Variants in CDH2 observed in about 807,000 individuals in gnomAD.
The protein encoded by CDH2 is cadherin 2.
CDH2 carries 17 observed loss-of-function variants against 92.0 expected under a neutral mutation model. The ratio of observed to expected loss-of-function variants is 0.18; its 90% CI spans 0.13 to 0.28. The LOEUF (loss-of-function observed/expected upper bound fraction) is 0.28, where lower values mean the gene tolerates loss of function less well. CDH2 is among the 10% of genes least tolerant of loss of function. The probability of loss-of-function intolerance (pLI) is 1.00; values close to 1 mark genes in which losing one functional copy is unlikely to be tolerated. For synonymous variants in CDH2, 419 were observed against 415.9 expected (o/e 1.01, Z -0.09); for missense variants, 862 against 1,133.1 (o/e 0.76, Z 3.44).
At chr18:28,131,683 G>GGTGT (rs33990872) in intron 2 of CDH2, among the ~76,000 whole-genome samples, 36,423 of 150,052 alleles carry the variant, frequency 0.24, 4,495 homozygotes, top group Middle Eastern at 0.36. Flanking sequence ...AAGCATTTGT[G>GGTGT]GTGTGTGTGT....
chr18:28,100,199 C>T lies in CDH2; in HGVS notation c.172+47474G>A, dbSNP rs183428120. On this transcript the variant is annotated intron_variant, in intron 2 of 15. Transcript: ENST00000269141. ...TGAGTGTGTTTTGGGATGAAATTAACAGTTAAATCAGTAGACTGAATAAAA... is the reference window on the plus strand; with the variant it reads ...TGAGTGTGTTTTGGGATGAAATTAATAGTTAAATCAGTAGACTGAATAAAA... 1.7e-4 allele frequency among the ~76,000 whole-genome samples: 25 copies of T among 149,396 alleles called. 1 individual carries two copies. The highest frequency in any genetic ancestry group is 5.9e-4 in the African/African-American group (23 of 38,808).
chr18:28,104,091 C>T (rs2015281735), intron 2 of CDH2, among the ~76,000 whole-genome samples: 1 of 152,104 alleles, frequency 6.6e-6, no homozygotes, highest in African/African-American at 2.4e-5. Flanking sequence ...TCCTGTCTGC[C>T]TATCCAAGAA....
At chr18:27,938,958 C>T (rs569875233) in intron 6 of CDH2, among the ~76,000 whole-genome samples, 35 of 152,296 alleles carry the variant, frequency 2.3e-4, no homozygotes, top group African/African-American at 4.6e-4. Context: ...AGAAAGAATG[C>T]TATCACATTT....
At chr18:28,011,548 G>A (rs998533996) in intron 4 of CDH2, among the ~76,000 whole-genome samples, 7 of 152,172 alleles carry the variant, frequency 4.6e-5, no homozygotes, top group African/African-American at 1.7e-4. Context: ...TATGAGAGTG[G>A]AAATGGTATG....
chr18:27,984,836 T>C (rs545813896), intron 13 of CDH2, among the ~76,000 whole-genome samples, 164 bp downstream of exon 13: 43 of 152,314 alleles, frequency 2.8e-4, no homozygotes, highest in African/African-American at 9.9e-4. Flanking sequence ...CTGGGGTTTT[T>C]TCATTCTAAA....
chr18:27,940,264 C>G (rs913830378), intron 6 of CDH2, among the ~76,000 whole-genome samples: 2 of 152,142 alleles, frequency 1.3e-5, no homozygotes, highest in Middle Eastern at 3.2e-3. Flanking sequence ...AGATGAGACC[C>G]CAACAATACT....
intron 14 of CDH2, among the ~76,000 whole-genome samples, chr18:27,974,422 A>G (rs1415277303): frequency 1.3e-5 from 2 of 152,198 alleles, no homozygotes; most frequent in Non-Finnish European, 2.9e-5. Flanking sequence ...AGGATTAGGA[A>G]ACAAGAATTT....
intron 2 of CDH2, among the ~76,000 whole-genome samples, chr18:28,038,635 T>C (rs1199315567): frequency 5.3e-5 from 8 of 152,076 alleles, no homozygotes; most frequent in Admixed American, 2.0e-4. Flanking sequence ...TAGAAAGTCA[T>C]AGATTATCTT....
intron 2 of CDH2, among the ~76,000 whole-genome samples, chr18:28,060,298 T>A (rs563253358): frequency 6.6e-6 from 1 of 152,302 alleles, no homozygotes; most frequent in South Asian, 2.1e-4. Context: ...GCAATTCTCC[T>A]GCCTCAGCTT....
chr18:28,003,263 TCAC>T, intron 6 of CDH2, 94 bp from the exon 7 acceptor site: 2 of 922,636 alleles, frequency 2.2e-6, no homozygotes, highest in South Asian at 4.0e-5. Context: ...TGTCTTATTT[TCAC>T]TTTTTAAAAA....
chr18:28,122,944 T>C (rs2015616313), intron 2 of CDH2, among the ~76,000 whole-genome samples: 2 of 152,096 alleles, frequency 1.3e-5, no homozygotes, highest in African/African-American at 4.8e-5. Flanking sequence ...ATGTTTCTAG[T>C]AAAAAACAAT....
chr18:28,038,421 A>AAG (rs1491162777), intron 2 of CDH2, among the ~76,000 whole-genome samples: 9 of 104,942 alleles, frequency 8.6e-5, no homozygotes, highest in Admixed American at 1.9e-4. Context: ...ACCTTGTCTC[A>AAG]AGTGTGTGTG....
intron 2 of CDH2, among the ~76,000 whole-genome samples, chr18:28,097,719 T>C (rs1448807465): frequency 1.3e-5 from 2 of 152,202 alleles, no homozygotes; most frequent in African/African-American, 4.8e-5. Context: ...CAGATTTTGG[T>C]ATCCAAAGGG....
rs114905276 is a variant in CDH2, at chr18:27,993,797, T to C, written c.1021-160A>G. Reference sequence around the variant, plus strand: ...CGCAAGTGGAGTTTCCTTTAACTTATGAAGCACAGGTCTGGTCCTTGTCTA... The same window carrying C: ...CGCAAGTGGAGTTTCCTTTAACTTACGAAGCACAGGTCTGGTCCTTGTCTA... On this transcript the variant is annotated intron_variant, in intron 7 of 15. Coordinates refer to ENST00000269141, the MANE Select transcript of CDH2 (RefSeq NM_001792.5). 5.0e-3 allele frequency among the ~76,000 whole-genome samples: 756 copies of C among 152,356 alleles called. 5 individuals carry two copies. The highest frequency in any genetic ancestry group is 0.016 in the African/African-American group (677 of 41,584).
At chr18:28,011,019 T>C (rs796501394) in intron 4 of CDH2, among the ~76,000 whole-genome samples, 6 of 151,940 alleles carry the variant, frequency 3.9e-5, no homozygotes, top group African/African-American at 1.4e-4. Context: ...AGTATCTTAA[T>C]TTAGAGTTAC....
intron 2 of CDH2, among the ~76,000 whole-genome samples, chr18:28,061,176 G>A (rs1271954172): frequency 2.0e-5 from 3 of 151,960 alleles, no homozygotes; most frequent in Non-Finnish European, 4.4e-5. Context: ...GATTTACATT[G>A]GGACTTATAT....
At chr18:28,022,903 A>C (rs938696720) in intron 2 of CDH2, among the ~76,000 whole-genome samples, 1 of 152,116 alleles carries the variant, frequency 6.6e-6, no homozygotes, top group Non-Finnish European at 1.5e-5. Context: ...GCAATTTTCA[A>C]TTAAGTTCAT....
At chr18:28,045,633 G>A in intron 2 of CDH2, 2 of 292,256 alleles carry the variant, frequency 6.8e-6, no homozygotes, top group South Asian at 6.4e-5. Flanking sequence ...TCTTTTAAGG[G>A]TCATTTCCTT....
chr18:27,990,228 A>C lies in CDH2; in HGVS notation c.1467T>G (p.Ile489Met). 2 of 1,614,134 alleles carry C rather than the reference A, an allele frequency of 1.2e-6. No homozygotes were observed. Among genetic ancestry groups the C allele is most frequent in the Non-Finnish European group, 1.7e-6 (2 of 1,180,006 alleles). ...QSTATVSVTV[I>M]DVNENPYFAP... ...CAAAATAAGGGTTTTCATTTACGTC[A>C]ATAACTGTAACAGACACGGTTGCAG... The change falls in exon 10 of 16, where the codon ATT becomes ATG. Residue 489 changes from isoleucine to methionine, a missense_variant. Coordinates refer to ENST00000269141, the MANE Select transcript of CDH2 (RefSeq NM_001792.5).
Sources: gnomAD v4.1 joint callset for allele counts (sites outside exome capture counted in the v4.1 genomes callset) on GRCh38, gnomAD v4.1.1 for gene constraint, MANE v1.5 for transcripts, NCBI Gene and HGNC (gene_info 2026-07-23, HGNC 2026-07-21) for gene names.